Variants in PCDHGA3 observed in about 807,000 individuals in gnomAD.
PCDHGA3 encodes the protein protocadherin gamma-A3.
In PCDHGA3, 40 loss-of-function variants were observed where a neutral mutation model predicts 58.5. The ratio of observed to expected loss-of-function variants is 0.68; its 90% confidence interval spans 0.53 to 0.89. The LOEUF is 0.89. Among genes scored for constraint, PCDHGA3 ranks in the 40% least tolerant of loss-of-function variants. The pLI is 0.00. For missense variants in PCDHGA3, 1,223 were observed against 1,195.9 expected (o/e 1.02, Z -0.33); for synonymous variants, 530 against 525.7 (o/e 1.01, Z -0.11).
Position 141,476,489 on chromosome 5 carries a change from A to G in PCDHGA3, c.2425-18318A>G. ...GGAGCTGTTCAGCGTGGAAGTGGTGATCCAGGACATCAACGACAACAATCC... is the reference window on the plus strand; with the variant it reads ...GGAGCTGTTCAGCGTGGAAGTGGTGGTCCAGGACATCAACGACAACAATCC... On this transcript the variant is annotated intron_variant, in intron 1 of 3. Coordinates refer to ENST00000253812, the MANE Select transcript of PCDHGA3 (RefSeq NM_018916.4). The surrounding 1 kb of genome is among the most constrained non-coding windows in gnomAD (Gnocchi z 7.6). The G allele has an allele frequency of 6.2e-7, 1 of 1,613,928 alleles. No individual in the cohort carries two copies. Among genetic ancestry groups the G allele is most frequent in the Non-Finnish European group, 8.5e-7 (1 of 1,179,976 alleles).
At chr5:141,435,803 T>C (rs551682061) in intron 1 of PCDHGA3, among the ~76,000 whole-genome samples, 1 of 152,178 alleles carries the variant, frequency 6.6e-6, no homozygotes, top group South Asian at 2.1e-4. Context: ...ACGTCCCAAT[T>C]ATTTTTTCTT....
chr5:141,491,954 C>CA lies in PCDHGA3; in HGVS notation c.2425-2847dup. 1 of 1,032,920 alleles carries CA rather than the reference C, an allele frequency of 9.7e-7. No homozygotes were observed. Among genetic ancestry groups the CA allele is most frequent in the Non-Finnish European group, 1.3e-6 (1 of 747,262 alleles). 64.0% of individuals were successfully genotyped at this position (1,032,920 alleles called of 1,614,324 possible). A position where few individuals can be genotyped will look rare whatever the true frequency, so the allele number is the denominator to read the frequency against. ...TGGGACCGACCCCCACCCCTACACTCAAAAAAGGCCGGGGCCTCCTTCGAG... is the reference window on the plus strand; with the variant it reads ...TGGGACCGACCCCCACCCCTACACTCAAAAAAAGGCCGGGGCCTCCTTCGAG... On this transcript the variant is annotated intron_variant, in intron 1 of 3. Coordinates refer to ENST00000253812, the MANE Select transcript of PCDHGA3 (RefSeq NM_018916.4). This position sits in a 1 kb window ranked among gnomAD's most constrained non-coding sequence, Gnocchi z 6.9.
intron 2 of PCDHGA3, among the ~76,000 whole-genome samples, chr5:141,505,145 G>A (rs540889707): frequency 1.3e-5 from 2 of 152,288 alleles, no homozygotes; most frequent in East Asian, 3.9e-4. Flanking sequence ...CTGGATGACA[G>A]AGTAAGACCC....
At chr5:141,395,648 T>G (rs2093296043) in intron 1 of PCDHGA3, 1 of 167,156 alleles carries the variant, frequency 6.0e-6, no homozygotes, top group South Asian at 1.9e-4. Context: ...GTTATTAGCT[T>G]AGCAAAAGTA....
rs1428910817 is a variant in PCDHGA3, at chr5:141,390,296, A to G, written c.2424+43839A>G. ...CTTCCCATCAGGTGAGTTTCCTTTA[A>G]GTATAATTTAATGCTCATTGCCTAC... On this transcript the variant is annotated intron_variant, in intron 1 of 3. Coordinates refer to ENST00000253812, the MANE Select transcript of PCDHGA3 (RefSeq NM_018916.4). 7 of 1,613,806 alleles carry G rather than the reference A, an allele frequency of 4.3e-6. No individual in the cohort carries two copies. The Admixed American group carries it at 1.2e-4, about 27-fold the overall frequency.
At chr5:141,370,684 G>A in intron 1 of PCDHGA3, 1 of 1,613,842 alleles carries the variant, frequency 6.2e-7, no homozygotes, top group Non-Finnish European at 8.5e-7. Context: ...GAGATTTGTG[G>A]CAAGAAGTCG....
intron 1 of PCDHGA3, chr5:141,423,131 A>G (rs370773437): frequency 1.9e-6 from 3 of 1,613,538 alleles, no homozygotes; most frequent in Admixed American, 1.7e-5. Context: ...GCACTGCTGG[A>G]CAGAGACGCG....
intron 1 of PCDHGA3, chr5:141,370,593 C>A (rs373364003): frequency 6.2e-6 from 10 of 1,613,710 alleles, no homozygotes; most frequent in South Asian, 2.2e-5. Flanking sequence ...TAGGAACCTG[C>A]GGGTTATTGC....
intron 1 of PCDHGA3, chr5:141,383,126 C>T (rs1024955582): frequency 6.2e-7 from 1 of 1,614,062 alleles, no homozygotes; most frequent in African/African-American, 1.3e-5. Context: ...CAGCTTTTCG[C>T]CCTGAACCAG....
At position 141,389,423 on chromosome 5, in the gene PCDHGA3, C is replaced by G. The variant is rs779826135; in HGVS notation, c.2424+42966C>G. 11 of 1,613,516 alleles carry G rather than the reference C, an allele frequency of 6.8e-6. No individual in the cohort carries two copies. The highest frequency in any genetic ancestry group is 9.3e-6 in the Non-Finnish European group (11 of 1,179,902). ...TAAGCGCGGAGAGCGGGGTGGTGTT[C>G]GCGCAGCGCGCCTTCGACCACGAGC... On this transcript the variant is annotated intron_variant, in intron 1 of 3. Coordinates refer to ENST00000253812, the MANE Select transcript of PCDHGA3 (RefSeq NM_018916.4).
chr5:141,462,198 G>C (rs2099034283), intron 1 of PCDHGA3, among the ~76,000 whole-genome samples: 1 of 152,182 alleles, frequency 6.6e-6, no homozygotes, highest in Non-Finnish European at 1.5e-5. Context: ...GACCTCAGGT[G>C]ATCCGCCTGC....
At chr5:141,389,793 C>G in intron 1 of PCDHGA3, 1 of 1,613,570 alleles carries the variant, frequency 6.2e-7, no homozygotes, top group Non-Finnish European at 8.5e-7. Flanking sequence ...GGACGCCGTC[C>G]GCCAGCGCCT....
At chr5:141,426,581 CCT>C (rs898552856) in intron 1 of PCDHGA3, 1 of 358,350 alleles carries the variant, frequency 2.8e-6, no homozygotes, top group Non-Finnish European at 5.6e-6. Flanking sequence ...TCTTCAAAAT[CCT>C]CTGTGTCATA....
chr5:141,422,686 C>T, intron 1 of PCDHGA3: 1 of 1,605,000 alleles, frequency 6.2e-7, no homozygotes, highest in East Asian at 2.2e-5. Flanking sequence ...ACAGAATGCC[C>T]TGGTCACTTA....
intron 1 of PCDHGA3, among the ~76,000 whole-genome samples, chr5:141,468,782 C>T (rs1280972843): frequency 2.0e-5 from 3 of 151,990 alleles, no homozygotes; most frequent in East Asian, 3.9e-4. Context: ...AGGAGAATGG[C>T]GTGAACCCGG....
intron 1 of PCDHGA3, among the ~76,000 whole-genome samples, chr5:141,368,786 T>A (rs997077499): frequency 6.6e-6 from 1 of 152,202 alleles, no homozygotes; most frequent in Non-Finnish European, 1.5e-5. Flanking sequence ...TTCTGAAGAA[T>A]AATTTTTCAT....
At chr5:141,351,438 C>G in intron 1 of PCDHGA3, 1 of 1,612,402 alleles carries the variant, frequency 6.2e-7, no homozygotes, top group Non-Finnish European at 8.5e-7. Context: ...TTAGAATCCA[C>G]CTCGAAGAAT....
At chr5:141,504,660 C>T (rs1002186811) in intron 2 of PCDHGA3, among the ~76,000 whole-genome samples, 8 of 101,980 alleles carry the variant, frequency 7.8e-5, no homozygotes, top group Admixed American at 5.7e-4. Flanking sequence ...TGTTTGAGGG[C>T]GGGGGGTGGG....
intron 1 of PCDHGA3, chr5:141,375,068 G>A: frequency 6.2e-7 from 1 of 1,614,016 alleles, no homozygotes; most frequent in Non-Finnish European, 8.5e-7. Flanking sequence ...AGGTCTTCGA[G>A]ACAGAGCGAA....
Sources: allele counts gnomAD v4.1 joint callset (sites outside exome capture counted in the v4.1 genomes callset), GRCh38; gene constraint gnomAD v4.1.1; non-coding constraint Gnocchi (gnomAD v3.1); transcripts MANE v1.5; gene names NCBI Gene and HGNC (gene_info 2026-07-23, HGNC 2026-07-21).